The following ITGB8 variants were observed in gnomAD, a reference collection of about 807,000 sequenced individuals.
The protein encoded by ITGB8 is integrin beta-8.
In ITGB8, 30 loss-of-function variants were observed where a neutral mutation model predicts 89.5. The ratio of observed to expected loss-of-function variants is 0.34; its 90% confidence interval spans 0.25 to 0.45. The LOEUF is 0.45. Ranked by LOEUF, ITGB8 falls within the 20% of genes least tolerant of loss-of-function variation. ITGB8 has a pLI of 1.00. For synonymous variants in ITGB8, 335 were observed against 320.4 expected (o/e 1.05, Z -0.49); for missense variants, 836 against 933.3 (o/e 0.90, Z 1.36).
chr7:20,394,708 C>G (rs1215159039), intron 7 of ITGB8, among the ~76,000 whole-genome samples, 188 bp from the exon 8 acceptor site: 1 of 152,220 alleles, frequency 6.6e-6, no homozygotes, highest in African/African-American at 2.4e-5. Flanking sequence ...CAGACACACA[C>G]AACCACTACA....
rs1205150461 is a variant in ITGB8 at position 20,331,632 on chromosome 7, G to A, written c.-175G>A. 9.0e-6 allele frequency: 6 copies of A among 665,796 alleles called. No individual in the cohort carries two copies. Among genetic ancestry groups the A allele is most frequent in the Non-Finnish European group, 1.1e-5 (5 of 442,430 alleles). 41.2% of individuals were successfully genotyped at this position (665,796 alleles called of 1,614,324 possible). ...CGCAGGGGCCCTGAGATGCCGAGCGGTGCCCGGGCCCGCTTACCTGCACCG... is the reference window on the plus strand; with the variant it reads ...CGCAGGGGCCCTGAGATGCCGAGCGATGCCCGGGCCCGCTTACCTGCACCG... On this transcript the variant is annotated 5_prime_UTR_variant, in exon 1 of 14. The change creates a new upstream start codon in the 5' untranslated region. Coordinates refer to ENST00000222573, the MANE Select transcript of ITGB8 (RefSeq NM_002214.3).
At chr7:20,405,844 G>A (rs1388717969) in intron 11 of ITGB8, among the ~76,000 whole-genome samples, 1 of 152,096 alleles carries the variant, frequency 6.6e-6, no homozygotes, top group East Asian at 1.9e-4. Context: ...TCTCAGATTA[G>A]TAGCTCAAGT....
chr7:20,408,833 C>G (rs574805320), intron 12 of ITGB8, among the ~76,000 whole-genome samples: 1 of 152,204 alleles, frequency 6.6e-6, no homozygotes, highest in African/African-American at 2.4e-5. Context: ...CAGCATGCCC[C>G]TCCTCTTAAC....
intron 1 of ITGB8, among the ~76,000 whole-genome samples, chr7:20,348,621 T>G (rs1347392080): frequency 6.6e-6 from 1 of 152,118 alleles, no homozygotes; most frequent in Admixed American, 6.5e-5. Flanking sequence ...GTGGAGGTAG[T>G]GAGGTGTTGG....
chr7:20,401,620 C>T (rs1787312870), intron 9 of ITGB8, 101 bp from the exon 10 acceptor site: 4 of 664,320 alleles, frequency 6.0e-6, no homozygotes, highest in Admixed American at 7.3e-5. Context: ...GTTAATTTCT[C>T]TAAGATGGTT....
At chr7:20,345,908 T>C (rs932540853) in intron 1 of ITGB8, among the ~76,000 whole-genome samples, 1 of 152,194 alleles carries the variant, frequency 6.6e-6, no homozygotes, top group African/African-American at 2.4e-5. Flanking sequence ...TGTGTGTATA[T>C]ACAAAAATTG....
At chr7:20,400,837 G>C (rs1583539039) in intron 9 of ITGB8, among the ~76,000 whole-genome samples, 1 of 152,086 alleles carries the variant, frequency 6.6e-6, no homozygotes. Context: ...AGTAACATCA[G>C]AGAAGGCCAC....
chr7:20,393,003 C>G (rs1019956403), intron 7 of ITGB8, among the ~76,000 whole-genome samples: 1 of 152,198 alleles, frequency 6.6e-6, no homozygotes, highest in Admixed American at 6.5e-5. Context: ...ATCTAATCCT[C>G]TTAGCAACTC....
chr7:20,329,862 C>G (rs1393933989), upstream of ITGB8: 1 of 152,152 alleles, frequency 6.6e-6, no homozygotes, highest in African/African-American at 2.4e-5. Context: ...AGTTCCCTCC[C>G]TCGACTTAGC....
intron 9 of ITGB8, among the ~76,000 whole-genome samples, chr7:20,399,331 T>A (rs771555233): frequency 6.6e-6 from 1 of 152,204 alleles, no homozygotes; most frequent in African/African-American, 2.4e-5. Context: ...TCTGTACTTA[T>A]AATAATGATA....
chr7:20,375,633 C>A (rs1238084449), intron 3 of ITGB8, among the ~76,000 whole-genome samples: 1 of 152,124 alleles, frequency 6.6e-6, no homozygotes, highest in East Asian at 1.9e-4. Context: ...GTAATCATTA[C>A]CCTTTATCTT....
At chr7:20,349,928 A>G (rs1218442944) in intron 1 of ITGB8, among the ~76,000 whole-genome samples, 1 of 152,218 alleles carries the variant, frequency 6.6e-6, no homozygotes, top group Non-Finnish European at 1.5e-5. Flanking sequence ...GAGTTTTGCC[A>G]GATGTATAGA....
intron 6 of ITGB8, among the ~76,000 whole-genome samples, chr7:20,384,671 AT>A (rs1181470000): frequency 1.3e-5 from 2 of 152,254 alleles, no homozygotes; most frequent in East Asian, 3.8e-4. Context: ...TAAAATCTGC[AT>A]TCTTTACTTT....
At chr7:20,368,932 T>C (rs1785818741) in intron 3 of ITGB8, among the ~76,000 whole-genome samples, 1 of 152,190 alleles carries the variant, frequency 6.6e-6, no homozygotes, top group African/African-American at 2.4e-5. Flanking sequence ...ATCTAGGGCC[T>C]TTCCCATTGT....
At chr7:20,351,592 A>C (rs1785114380) in intron 1 of ITGB8, among the ~76,000 whole-genome samples, 1 of 152,256 alleles carries the variant, frequency 6.6e-6, no homozygotes, top group African/African-American at 2.4e-5. Context: ...TCAAGTGCAG[A>C]GTCAAAAGAT....
At chr7:20,335,678 C>A (rs1020488001) in intron 1 of ITGB8, among the ~76,000 whole-genome samples, 1 of 152,236 alleles carries the variant, frequency 6.6e-6, no homozygotes, top group African/African-American at 2.4e-5. Context: ...CTTCTCCTCA[C>A]CTTCTCTTTG....
chr7:20,341,496 A>C (rs1784753820), intron 1 of ITGB8, among the ~76,000 whole-genome samples: 1 of 152,164 alleles, frequency 6.6e-6, no homozygotes, highest in Non-Finnish European at 1.5e-5. Flanking sequence ...AAATATGAGA[A>C]CTAAATGGCA....
At chr7:20,332,197 A>G (rs1784427172) in intron 1 of ITGB8, among the ~76,000 whole-genome samples, 1 of 152,198 alleles carries the variant, frequency 6.6e-6, no homozygotes, top group Non-Finnish European at 1.5e-5. Flanking sequence ...CCTAATAGAA[A>G]GGAATTTTGG....
intron 1 of ITGB8, among the ~76,000 whole-genome samples, chr7:20,359,545 A>C (rs1785422121): frequency 6.6e-6 from 1 of 152,194 alleles, no homozygotes; most frequent in Non-Finnish European, 1.5e-5. Context: ...AGGTAGACCC[A>C]GAAGCTGAAG....
Sources: allele counts gnomAD v4.1 joint callset (sites outside exome capture counted in the v4.1 genomes callset), GRCh38; gene constraint gnomAD v4.1.1; transcripts MANE v1.5; gene names NCBI Gene and HGNC (gene_info 2026-07-23, HGNC 2026-07-21).